The following SPIRE1 variants were observed in gnomAD, a reference collection of about 807,000 sequenced individuals.
SPIRE1 encodes the protein spire type actin nucleation factor 1.
Under a neutral mutation model 94.1 loss-of-function variants are expected in SPIRE1, and 40 were observed. The observed-to-expected ratio is 0.43, with a 90% CI of 0.33 to 0.55. The LOEUF (loss-of-function observed/expected upper bound fraction) is 0.55, where lower values mean the gene tolerates loss of function less well. Ranked by LOEUF, SPIRE1 falls within the 20% of genes least tolerant of loss-of-function variation. The pLI is 0.06. For missense variants in SPIRE1, 838 were observed against 975.2 expected, an observed-to-expected ratio of 0.86 and a Z score of 1.87; for synonymous variants, 376 against 371.7, an observed-to-expected ratio of 1.01 and a Z score of -0.13.
At chr18:12,467,450 T>G (rs1034742240) in intron 10 of SPIRE1, among the ~76,000 whole-genome samples, 3 of 152,182 alleles carry the variant, frequency 2.0e-5, no homozygotes, top group African/African-American at 7.2e-5. Context: ...ACAATCTTTT[T>G]CTGTTTACAG....
intron 6 of SPIRE1, among the ~76,000 whole-genome samples, chr18:12,503,641 GT>G (rs1230723005): frequency 6.6e-6 from 1 of 151,982 alleles, no homozygotes; most frequent in Non-Finnish European, 1.5e-5. Context: ...TTCCCTACAG[GT>G]TATCAGTGGC....
At chr18:12,499,265 CTT>C (rs35809492) in intron 6 of SPIRE1, among the ~76,000 whole-genome samples, 17,414 of 152,010 alleles carry the variant, frequency 0.11, 2,039 homozygotes, top group African/African-American at 0.3. Flanking sequence ...GAGACCTATT[CTT>C]TCTCTATTTA....
intron 2 of SPIRE1, among the ~76,000 whole-genome samples, chr18:12,569,717 C>T (rs564507596): frequency 2.6e-5 from 4 of 152,056 alleles, no homozygotes; most frequent in South Asian, 2.1e-4. Flanking sequence ...GGTGGAAAAC[C>T]GTTGCTCATG....
intron 9 of SPIRE1, among the ~76,000 whole-genome samples, chr18:12,480,309 T>A (rs955274512): frequency 6.6e-6 from 1 of 152,218 alleles, no homozygotes; most frequent in African/African-American, 2.4e-5. Flanking sequence ...ATAATCTATA[T>A]TCATATAAAC....
At chr18:12,567,003 T>G (rs149980966) in intron 2 of SPIRE1, among the ~76,000 whole-genome samples, 84 of 152,222 alleles carry the variant, frequency 5.5e-4, no homozygotes, top group African/African-American at 2.0e-3. Flanking sequence ...CACAACCAAG[T>G]GGCATTTATC....
At chr18:12,588,997 T>TA (rs2036459954) in intron 2 of SPIRE1, among the ~76,000 whole-genome samples, 1 of 152,118 alleles carries the variant, frequency 6.6e-6, no homozygotes. Flanking sequence ...AGGTCATGGG[T>TA]AGTTATTCAT....
intron 12 of SPIRE1, among the ~76,000 whole-genome samples, chr18:12,457,907 C>T (rs771119057): frequency 2.0e-5 from 3 of 146,894 alleles, no homozygotes; most frequent in East Asian, 4.0e-4. Context: ...TGCAGTGGTG[C>T]GATCTCAGCT....
intron 2 of SPIRE1, among the ~76,000 whole-genome samples, chr18:12,572,628 T>A (rs999185815): frequency 1.1e-4 from 17 of 151,954 alleles, no homozygotes; most frequent in Non-Finnish European, 2.4e-4. Flanking sequence ...ACAAAAAAAA[T>A]TGTTAAAAAA....
chr18:12,623,302 C>T lies in SPIRE1; in HGVS notation c.372+11760G>A, dbSNP rs541966955. ...CTGAGTAGCTGGGACTACAGGCGCC[C>T]GCCACCACGCCTGGCTGATTTTTTG... On this transcript the variant is annotated intron_variant, in intron 2 of 16. Transcript: ENST00000409402. 5.3e-5 allele frequency among the ~76,000 whole-genome samples: 8 copies of T among 151,794 alleles called. No individual in the cohort carries two copies. The East Asian group carries it at 7.8e-4, about 15-fold the overall frequency.
intron 2 of SPIRE1, among the ~76,000 whole-genome samples, chr18:12,604,583 G>A (rs140860419): frequency 3.1e-4 from 47 of 152,226 alleles, no homozygotes; most frequent in African/African-American, 1.1e-3. Context: ...GATGGCCTCC[G>A]GAGTTTGCCT....
intron 2 of SPIRE1, among the ~76,000 whole-genome samples, chr18:12,605,283 C>T (rs966702526): frequency 5.3e-5 from 8 of 149,806 alleles, no homozygotes; most frequent in African/African-American, 2.0e-4. Context: ...CTTTGGGAGG[C>T]CGAGGTGGGC....
rs144214804 is a variant in SPIRE1 at position 12,620,743 on chromosome 18, C to T, written c.372+14319G>A. Among the ~76,000 whole-genome samples, 1,235 of 152,056 alleles carry T rather than the reference C, an allele frequency of 8.1e-3. 13 individuals carry two copies. The highest frequency in any genetic ancestry group is 0.028 in the African/African-American group (1,180 of 41,472). On this transcript the variant is annotated intron_variant, in intron 2 of 16. Coordinates refer to ENST00000409402, the MANE Select transcript of SPIRE1 (RefSeq NM_001128626.2). ...TAAATCTTCATGATCTTGGATTTGG[C>T]AATGGATTTTTAGATATGGCACCAA...
At chr18:12,641,871 C>T (rs1402339302) in intron 1 of SPIRE1, among the ~76,000 whole-genome samples, 7 of 135,914 alleles carry the variant, frequency 5.2e-5, no homozygotes, top group Admixed American at 4.0e-4. Context: ...CTTGCTCTGT[C>T]GCCCAGGCTG....
intron 4 of SPIRE1, among the ~76,000 whole-genome samples, chr18:12,517,560 T>TATAA (rs2034232995): frequency 6.6e-6 from 1 of 152,244 alleles, no homozygotes; most frequent in Non-Finnish European, 1.5e-5. Context: ...TGCAGAAATG[T>TATAA]AATAACAGAT....
chr18:12,469,589 A>G (rs1417914466), intron 10 of SPIRE1, among the ~76,000 whole-genome samples: 2 of 144,954 alleles, frequency 1.4e-5, no homozygotes, highest in Non-Finnish European at 3.0e-5. Flanking sequence ...TATATAGTAT[A>G]TATTATTTAT....
chr18:12,470,015 C>A (rs2032288728), intron 10 of SPIRE1, among the ~76,000 whole-genome samples: 1 of 151,792 alleles, frequency 6.6e-6, no homozygotes, highest in Non-Finnish European at 1.5e-5. Flanking sequence ...AATCATGGCT[C>A]ACTGCAGCCT....
At chr18:12,466,654 A>AT (rs2032115284) in intron 10 of SPIRE1, among the ~76,000 whole-genome samples, 1 of 152,276 alleles carries the variant, frequency 6.6e-6, no homozygotes, top group South Asian at 2.1e-4. Flanking sequence ...GATAGTGAAA[A>AT]TTTTTTGATG....
At chr18:12,558,052 G>T (rs1375042835) in intron 2 of SPIRE1, among the ~76,000 whole-genome samples, 3 of 152,188 alleles carry the variant, frequency 2.0e-5, no homozygotes, top group Non-Finnish European at 4.4e-5. Flanking sequence ...TTAAATGTAA[G>T]ACCTCAAATT....
At position 12,512,487 on chromosome 18, in the gene SPIRE1, G is replaced by A; in HGVS notation, c.774C>T (p.Ser258=). 6.2e-7 allele frequency: 1 copy of A among 1,612,584 alleles called. No individual in the cohort carries two copies. Among genetic ancestry groups the A allele is most frequent in the South Asian group, 1.1e-5 (1 of 90,968 alleles). The change falls in exon 5 of 17, where the codon AGC becomes AGT. Residue 258 remains serine (S), a synonymous_variant. Coordinates refer to ENST00000409402, the MANE Select transcript of SPIRE1 (RefSeq NM_001128626.2). ...CGTTTTTCAGCTCTTCCAAGTCTGT[G>A]CTAGATTCATCGCTCTTTTCCATTT... The part of the protein sequence containing the change: ...IQEMEKSDES[S]TDLEELKNAD...
Sources: gnomAD v4.1 joint callset for allele counts (sites outside exome capture counted in the v4.1 genomes callset) on GRCh38, gnomAD v4.1.1 for gene constraint, MANE v1.5 for transcripts, NCBI Gene and HGNC (gene_info 2026-07-23, HGNC 2026-07-21) for gene names.